The following HPSE2 variants were observed in gnomAD, a reference collection of about 807,000 sequenced individuals.
The protein encoded by HPSE2 is inactive heparanase-2.
Under a neutral mutation model 60.5 loss-of-function variants are expected in HPSE2, and 38 were observed. The observed-to-expected ratio is 0.63, with a 90% confidence interval of 0.48 to 0.82. The LOEUF is 0.82. Among genes scored for constraint, HPSE2 ranks in the 40% least tolerant of loss-of-function variants. HPSE2 has a pLI of 0.00. For synonymous variants in HPSE2, 295 were observed against 293.2 expected (o/e 1.01, Z -0.06); for missense variants, 713 against 740.4 (o/e 0.96, Z 0.43).
intron 3 of HPSE2, among the ~76,000 whole-genome samples, chr10:99,021,345 T>C (rs550253119): frequency 1.3e-4 from 20 of 152,258 alleles, no homozygotes; most frequent in African/African-American, 4.6e-4. Context: ...TTACTCTTAT[T>C]TCATAGATGA....
intron 3 of HPSE2, among the ~76,000 whole-genome samples, chr10:99,046,614 A>G (rs573090822): frequency 2.0e-5 from 3 of 152,130 alleles, no homozygotes; most frequent in African/African-American, 7.2e-5. Flanking sequence ...TAAAAGATCA[A>G]TGATTTTAAT....
At chr10:98,711,249 G>A (rs191570793) in intron 5 of HPSE2, among the ~76,000 whole-genome samples, 1 of 152,118 alleles carries the variant, frequency 6.6e-6, no homozygotes, top group African/African-American at 2.4e-5. Flanking sequence ...GAAATGATTT[G>A]ACCTGGCTGT....
intron 3 of HPSE2, among the ~76,000 whole-genome samples, chr10:99,015,059 A>G (rs1011742861): frequency 6.6e-6 from 1 of 152,238 alleles, no homozygotes; most frequent in Admixed American, 6.5e-5. Context: ...CAAAAGACAC[A>G]TGAAAAAAGG....
At chr10:98,819,037 A>T (rs10786473) in intron 3 of HPSE2, among the ~76,000 whole-genome samples, 5,755 of 152,264 alleles carry the variant, frequency 0.038, 237 homozygotes, top group East Asian at 0.17. Flanking sequence ...TATAAAACTA[A>T]ATGTTAAAGG....
intron 4 of HPSE2, among the ~76,000 whole-genome samples, chr10:98,742,314 T>C (rs910297089): frequency 1.3e-5 from 2 of 152,150 alleles, no homozygotes; most frequent in Non-Finnish European, 2.9e-5. Flanking sequence ...GTAGGAAAGT[T>C]GGACATTTAT....
chr10:98,645,954 A>G (rs1946758265), intron 6 of HPSE2, among the ~76,000 whole-genome samples: 1 of 152,206 alleles, frequency 6.6e-6, no homozygotes, highest in Non-Finnish European at 1.5e-5. Flanking sequence ...CAGCCTGGGC[A>G]ACAGAGCAAG....
chr10:99,149,503 A>G (rs60922748), intron 2 of HPSE2, among the ~76,000 whole-genome samples: 11,787 of 152,200 alleles, frequency 0.077, 617 homozygotes, highest in South Asian at 0.19. Context: ...CTCTCAATGC[A>G]TTTCCTAATA....
intron 9 of HPSE2, among the ~76,000 whole-genome samples, chr10:98,518,404 C>G (rs1232018088): frequency 6.6e-6 from 1 of 152,074 alleles, no homozygotes; most frequent in Non-Finnish European, 1.5e-5. Flanking sequence ...CCTCAGAATC[C>G]TCATGTATAA....
chr10:99,086,154 T>C (rs1045889028), intron 3 of HPSE2, among the ~76,000 whole-genome samples: 1 of 152,110 alleles, frequency 6.6e-6, no homozygotes, highest in Admixed American at 6.6e-5. Context: ...GTATAGTATG[T>C]CTGGCCCCTT....
At chr10:99,242,293 T>C in the HPSE2 span, among the ~76,000 whole-genome samples, 2 of 152,162 alleles carry the variant, frequency 1.3e-5, no homozygotes, top group Non-Finnish European at 2.9e-5. Flanking sequence ...GTAATATCCC[T>C]GGGAAAAAAA....
At chr10:98,527,817 T>C (rs1390358522) in intron 9 of HPSE2, among the ~76,000 whole-genome samples, 1 of 152,122 alleles carries the variant, frequency 6.6e-6, no homozygotes, top group African/African-American at 2.4e-5. Flanking sequence ...ACTAAACCTG[T>C]CTCTCATCAT....
intron 3 of HPSE2, among the ~76,000 whole-genome samples, chr10:98,810,577 A>G (rs1412946613): frequency 6.6e-6 from 1 of 152,032 alleles, no homozygotes; most frequent in African/African-American, 2.4e-5. Flanking sequence ...AGCTTCATTA[A>G]CTTCACGGTA....
the HPSE2 span, among the ~76,000 whole-genome samples, chr10:99,276,184 G>A: frequency 1.6e-4 from 25 of 152,026 alleles, no homozygotes; most frequent in African/African-American, 4.8e-4. Flanking sequence ...TACAATATTC[G>A]TTGGAACAAC....
chr10:98,903,747 C>T (rs372434104), intron 3 of HPSE2, among the ~76,000 whole-genome samples: 5 of 152,108 alleles, frequency 3.3e-5, no homozygotes, highest in South Asian at 2.1e-4. Flanking sequence ...CTCTGTTAAA[C>T]GCCTAAAGTA....
chr10:98,819,487 G>A (rs837719), intron 3 of HPSE2, among the ~76,000 whole-genome samples: 129,040 of 150,302 alleles, frequency 0.86, 55,767 homozygotes, highest in African/African-American at 0.95. Context: ...GACTTCTTAG[G>A]AAAACATCAT....
At chr10:99,045,073 A>G (rs1957824865) in intron 3 of HPSE2, among the ~76,000 whole-genome samples, 1 of 152,290 alleles carries the variant, frequency 6.6e-6, no homozygotes, top group East Asian at 1.9e-4. Context: ...TTCTTCCCAT[A>G]TGCACACAGA....
At chr10:98,777,219 A>G (rs1950360019) in intron 3 of HPSE2, among the ~76,000 whole-genome samples, 1 of 152,166 alleles carries the variant, frequency 6.6e-6, no homozygotes, top group African/African-American at 2.4e-5. Context: ...AAAGCCATTT[A>G]CTCTCATCCC....
chr10:98,625,856 A>G lies in HPSE2; in HGVS notation c.1099-5148T>C, dbSNP rs532423689. Among the ~76,000 whole-genome samples the G allele has an allele frequency of 9.2e-5, 14 of 152,322 alleles. No homozygotes were observed. The South Asian group carries it at 2.7e-3, about 29-fold the overall frequency. On this transcript the variant is annotated intron_variant, in intron 7 of 11. Coordinates refer to ENST00000370552, the MANE Select transcript of HPSE2 (RefSeq NM_021828.5). Reference sequence around the variant, plus strand: ...GGTGGCTCACACCTGTAATCCCAGCACTTTGGGAGGCCGAGGTGGGCGGAT... The same window carrying G: ...GGTGGCTCACACCTGTAATCCCAGCGCTTTGGGAGGCCGAGGTGGGCGGAT...
At chr10:99,195,436 T>C (rs778913073) in intron 2 of HPSE2, among the ~76,000 whole-genome samples, 1 of 151,782 alleles carries the variant, frequency 6.6e-6, no homozygotes, top group Non-Finnish European at 1.5e-5. Flanking sequence ...TGTTTGTACA[T>C]GATATAATCT....
Sources: allele counts gnomAD v4.1 joint callset (sites outside exome capture counted in the v4.1 genomes callset), GRCh38; gene constraint gnomAD v4.1.1; transcripts MANE v1.5; gene names NCBI Gene and HGNC (gene_info 2026-07-23, HGNC 2026-07-21).